Variants in SLC6A14 observed in about 807,000 individuals in gnomAD.
SLC6A14 encodes sodium- and chloride-dependent neutral and basic amino acid transporter B(0+).
In SLC6A14, 21 loss-of-function variants were observed where a neutral mutation model predicts 51.4. The observed-to-expected ratio is 0.41, with a 90% CI of 0.29 to 0.59. The LOEUF (loss-of-function observed/expected upper bound fraction) is 0.59, where lower values mean the gene tolerates loss of function less well. Ranked by LOEUF, SLC6A14 falls within the 20% of genes least tolerant of loss-of-function variation. SLC6A14 has a pLI of 0.31. For missense variants in SLC6A14, 371 were observed against 472.8 expected (o/e 0.78, Z 2.00); for synonymous variants, 177 against 160.7 (o/e 1.10, Z -0.77).
chrX:116,450,122 C>T (rs1927794433), intron 7 of SLC6A14, among the ~76,000 whole-genome samples: 1 of 110,992 alleles, frequency 9.0e-6, no homozygotes, highest in Non-Finnish European at 1.9e-5. Context: ...AGGATAATAC[C>T]TATAGTCAAA....
At chrX:116,444,589 A>C (rs782098847) in intron 5 of SLC6A14, among the ~76,000 whole-genome samples, 95 of 112,112 alleles carry the variant, frequency 8.5e-4, no homozygotes, top group African/African-American at 2.9e-3. Flanking sequence ...ATAGTAAAAT[A>C]AAATAATCTG....
chrX:116,449,687 C>T (rs1602513535), intron 7 of SLC6A14, among the ~76,000 whole-genome samples: 1 of 111,723 alleles, frequency 9.0e-6, no homozygotes, highest in African/African-American at 3.2e-5. Flanking sequence ...ATTTATAATG[C>T]TGTACTAATT....
At chrX:116,455,747 A>C (rs5905288) in intron 12 of SLC6A14, among the ~76,000 whole-genome samples, 35,016 of 110,303 alleles carry the variant, frequency 0.32, 4,638 homozygotes, top group Admixed American at 0.41. Context: ...ACAAAAAATG[A>C]AAATAAAACA....
At position 116,459,710 on chromosome X, in the gene SLC6A14, C is replaced by A. The variant is rs1928005008; in HGVS notation, c.*755C>A. On this transcript the variant is annotated 3_prime_UTR_variant, in exon 14 of 14. Transcript: ENST00000598581. Reference sequence around the variant, plus strand: ...GGTAATTTGGAAGAAAACTATGACCCATTTAATTTCTATTGTGTTTCACAA... The same window carrying A: ...GGTAATTTGGAAGAAAACTATGACCAATTTAATTTCTATTGTGTTTCACAA... 1 of 111,957 alleles carries A rather than the reference C, an allele frequency of 8.9e-6. No individual in the cohort carries two copies. The highest frequency in any genetic ancestry group is 3.7e-4 in the South Asian group (1 of 2,700). 9.2% of individuals were successfully genotyped at this position (111,957 alleles called of 1,213,427 possible). A position where few individuals can be genotyped will look rare whatever the true frequency, so the allele number is the denominator to read the frequency against.
At position 116,451,538 on chromosome X, in the gene SLC6A14, T is replaced by C. The variant is rs1389755911; in HGVS notation, c.1027T>C (p.Cys343Arg). Residue 343 changes from cysteine to arginine, a missense_variant, in exon 8 of 14, where the codon TGC (cysteine) becomes CGC (arginine). By Grantham distance (180) the Cys-to-Arg change is radical. Around this residue, in one of 2 missense-constraint regions of SLC6A14, gnomAD observed 277 missense variants for 391.8 expected, o/e 0.71. Transcript: ENST00000598581. ...LSSYNKFKNN[C>R]FSDAIVVCLT... ...ATCTTACAATAAGTTCAAAAACAAC[T>C]GCTTCTCTGATGCCATTGTGGTTTG... 2 of 1,210,030 alleles carry C rather than the reference T, an allele frequency of 1.7e-6. No homozygotes were observed. Among genetic ancestry groups the C allele is most frequent in the Admixed American group, 4.3e-5 (2 of 45,986 alleles).
At position 116,451,463 on chromosome X, in the gene SLC6A14, C is replaced by G. The variant is rs1556694396; in HGVS notation, c.952C>G (p.Gln318Glu). Residue 318 changes from glutamine to glutamate, a missense_variant, in exon 8 of 14, where the codon CAG (glutamine) becomes GAG (glutamate). Gln to Glu is a conservative substitution (Grantham distance 29). Transcript: ENST00000598581. ...EAEVWKDAAT[Q>E]IFYSLSVAWG... is the part of the protein sequence containing the mutation. Reference sequence around the variant, plus strand: ...ATAGGTATGGAAAGATGCTGCCACTCAGATATTTTACTCCCTTTCAGTGGC... The same window carrying G: ...ATAGGTATGGAAAGATGCTGCCACTGAGATATTTTACTCCCTTTCAGTGGC... 1 of 1,205,435 alleles carries G rather than the reference C, an allele frequency of 8.3e-7. No individual in the cohort carries two copies. Among genetic ancestry groups the G allele is most frequent in the Non-Finnish European group, 1.1e-6 (1 of 891,037 alleles).
At chrX:116,450,251 A>G (rs1359835687) in intron 7 of SLC6A14, among the ~76,000 whole-genome samples, 1 of 111,863 alleles carries the variant, frequency 8.9e-6, no homozygotes, top group East Asian at 2.8e-4. Flanking sequence ...ATCAACATAT[A>G]TAATAGTCAA....
chrX:116,454,475 A>T, intron 10 of SLC6A14, 33 bp downstream of exon 10: 1 of 842,853 alleles, frequency 1.2e-6, no homozygotes, highest in Non-Finnish European at 1.8e-6. Context: ...ATAGAAACAT[A>T]TTAGTTGGAA....
intron 2 of SLC6A14, among the ~76,000 whole-genome samples, chrX:116,440,113 T>A (rs1927565142): frequency 1.8e-5 from 2 of 111,726 alleles, no homozygotes; most frequent in African/African-American, 6.5e-5. Context: ...ATTAATAAGT[T>A]TAATATTCTG....
chrX:116,439,917 A>T (rs1226703442), intron 2 of SLC6A14, among the ~76,000 whole-genome samples: 1 of 111,221 alleles, frequency 9.0e-6, no homozygotes, highest in East Asian at 2.8e-4. Flanking sequence ...CATTTTTAGT[A>T]GAATGTATTT....
At position 116,447,213 on chromosome X, in the gene SLC6A14, T is replaced by G. The variant is rs1208455436; in HGVS notation, c.930+332T>G. ...GCATAAATACCCGCAAGTTGATGATTGGGGCTATGTGATTTATTGGATAAA... is the reference window on the plus strand; with the variant it reads ...GCATAAATACCCGCAAGTTGATGATGGGGGCTATGTGATTTATTGGATAAA... On this transcript the variant is annotated intron_variant, in intron 7 of 13. Transcript: ENST00000598581. 2.7e-5 allele frequency among the ~76,000 whole-genome samples: 3 copies of G among 111,884 alleles called. No individual in the cohort carries two copies. In the Admixed American group the frequency reaches 2.8e-4, roughly 11 times the overall value.
At chrX:116,448,968 AT>A (rs782289256) in intron 7 of SLC6A14, among the ~76,000 whole-genome samples, 2 of 110,266 alleles carry the variant, frequency 1.8e-5, no homozygotes, top group African/African-American at 3.3e-5. Context: ...TTTTTCTTAG[AT>A]TTTTTTTTAT....
intron 6 of SLC6A14, 121 bp downstream of exon 6, chrX:116,445,171 A>T: frequency 1.5e-6 from 1 of 675,482 alleles, no homozygotes; most frequent in Non-Finnish European, 2.1e-6. Flanking sequence ...ATGTGTGAAA[A>T]GCTTTCTAAA....
chrX:116,450,331 A>G (rs6651554), intron 7 of SLC6A14, among the ~76,000 whole-genome samples: 3,546 of 111,818 alleles, frequency 0.032, 152 homozygotes, highest in African/African-American at 0.11. Flanking sequence ...AAAACTGGCA[A>G]AAGACATGAC....
chrX:116,457,710 C>A lies in SLC6A14; in HGVS notation c.1716C>A (p.Phe572Leu), dbSNP rs782093417. ...CTTTAGGCTGGTGTATGATTGTTTT[C>A]TGCATTATTTGGATTCCAATTATGG... Reference protein sequence around the residue: ...GVALGWCMIVFCIIWIPIMAI... With the variant: ...GVALGWCMIVLCIIWIPIMAI... Residue 572 changes from phenylalanine (F) to leucine (L), a missense_variant, in exon 13 of 14, where the codon TTC becomes TTA. Phe to Leu is a conservative substitution (Grantham distance 22). Coordinates refer to ENST00000598581, the MANE Select transcript of SLC6A14 (RefSeq NM_007231.5). 6 of 1,203,516 alleles carry A rather than the reference C, an allele frequency of 5.0e-6. No homozygotes were observed. Among genetic ancestry groups the A allele is most frequent in the Non-Finnish European group, 6.8e-6 (6 of 888,414 alleles).
chrX:116,457,916 C>A (rs782780510), intron 13 of SLC6A14, 140 bp downstream of exon 13: 292 of 457,511 alleles, frequency 6.4e-4, no homozygotes, highest in Non-Finnish European at 9.2e-4. Flanking sequence ...CTATACCTGA[C>A]ACAGTCATCT....
Position 116,460,109 on chromosome X carries a change from C to T in SLC6A14, c.*1154C>T, listed in dbSNP as rs1188922312. 5.4e-5 allele frequency: 6 copies of T among 111,797 alleles called. No individual in the cohort carries two copies. Among genetic ancestry groups the T allele is most frequent in the African/African-American group, 1.9e-4 (6 of 30,798 alleles). 9.2% of individuals were successfully genotyped at this position (111,797 alleles called of 1,213,427 possible). On this transcript the variant is annotated 3_prime_UTR_variant, in exon 14 of 14. Coordinates refer to ENST00000598581, the MANE Select transcript of SLC6A14 (RefSeq NM_007231.5). Reference sequence around the variant, plus strand: ...AAACACTGCCTATATATGTAAATAGCTTTTCATCAATTCTTAAATTTCTTA... The same window carrying T: ...AAACACTGCCTATATATGTAAATAGTTTTTCATCAATTCTTAAATTTCTTA...
In SLC6A14 at chrX:116,443,623, A is replaced by G; in HGVS notation, c.509-20A>G. 1 of 1,080,408 alleles carries G rather than the reference A, an allele frequency of 9.3e-7. No homozygotes were observed. 89.0% of individuals were successfully genotyped at this position (1,080,408 alleles called of 1,213,427 possible). ...TAAAACTAAGTACATGTCTGTGTCT[A>G]TATTTTTTATCCTCTTTAGTAACTC... On this transcript the variant is annotated intron_variant, in intron 4 of 13. Transcript: ENST00000598581.
rs781910177 is a variant in SLC6A14 at position 116,445,034 on chromosome X, T to C, written c.773T>C (p.Ile258Thr). 8.4e-7 allele frequency: 1 copy of C among 1,192,381 alleles called. No homozygotes were observed. Among genetic ancestry groups the C allele is most frequent in the Non-Finnish European group, 1.1e-6 (1 of 887,288 alleles). ...LIVGAALFKGIKSSGKVVYFT... is the reference protein window; with the variant it reads ...LIVGAALFKGTKSSGKVVYFT... ...GTTGGAGCAGCACTATTTAAAGGAATCAAATCGTCTGGCAAGGTAACTTGA... is the reference window on the plus strand; with the variant it reads ...GTTGGAGCAGCACTATTTAAAGGAACCAAATCGTCTGGCAAGGTAACTTGA... Residue 258 changes from isoleucine to threonine, a missense_variant, in exon 6 of 14, where the codon ATC becomes ACC. Coordinates refer to ENST00000598581, the MANE Select transcript of SLC6A14 (RefSeq NM_007231.5).
Sources: gnomAD v4.1 joint callset for allele counts (sites outside exome capture counted in the v4.1 genomes callset) on GRCh38, gnomAD v4.1.1 for gene constraint, gnomAD v4.1.1 regional missense constraint, MANE v1.5 for transcripts, NCBI Gene and HGNC (gene_info 2026-07-23, HGNC 2026-07-21) for gene names.